The following TMEM178B variants were observed in gnomAD, a reference collection of about 807,000 sequenced individuals.
TMEM178B encodes transmembrane protein 178B.
A neutral mutation model predicts 31.0 loss-of-function variants in TMEM178B; 5 were observed. The ratio of observed to expected loss-of-function variants is 0.16; its 90% confidence interval spans 0.08 to 0.34. The LOEUF is 0.34. Among genes scored for constraint, TMEM178B ranks in the 10% least tolerant of loss-of-function variants. The pLI is 1.00. For synonymous variants in TMEM178B, 164 were observed against 164.0 expected (o/e 1.00, Z 0.00); for missense variants, 275 against 400.3 (o/e 0.69, Z 2.67).
chr7:141,235,976 A>G, intron 2 of TMEM178B, among the ~76,000 whole-genome samples: 1 of 152,178 alleles, frequency 6.6e-6, no homozygotes, highest in East Asian at 1.9e-4. Flanking sequence ...TCCACTGTTT[A>G]GTTTTCTGAT....
chr7:141,374,719 A>T (rs912342672), intron 2 of TMEM178B, among the ~76,000 whole-genome samples: 1 of 152,100 alleles, frequency 6.6e-6, no homozygotes, highest in African/African-American at 2.4e-5. Flanking sequence ...TTGTCACTTG[A>T]TTTTACTCCG....
At chr7:141,242,073 A>G (rs1338688621) in intron 2 of TMEM178B, among the ~76,000 whole-genome samples, 1 of 152,238 alleles carries the variant, frequency 6.6e-6, no homozygotes, top group Non-Finnish European at 1.5e-5. Context: ...CATATTTAAA[A>G]GCTTTTTAAT....
intron 1 of TMEM178B, among the ~76,000 whole-genome samples, chr7:141,174,046 T>C (rs1439777043): frequency 6.6e-6 from 1 of 152,148 alleles, no homozygotes; most frequent in Non-Finnish European, 1.5e-5. Flanking sequence ...GGCATGGTGA[T>C]TTGCTGCACC....
At chr7:141,437,543 G>A (rs1199923414) in intron 2 of TMEM178B, 65 bp from the exon 3 acceptor site, 1 of 1,521,776 alleles carries the variant, frequency 6.6e-7, no homozygotes, top group African/African-American at 1.4e-5. Context: ...CCCCAGGGCT[G>A]GGGTATACCC....
chr7:141,288,275 G>T (rs886920566), intron 2 of TMEM178B, among the ~76,000 whole-genome samples: 1 of 151,844 alleles, frequency 6.6e-6, no homozygotes, highest in Non-Finnish European at 1.5e-5. Flanking sequence ...TGCTTGAAGG[G>T]CTTACCCTGT....
intron 1 of TMEM178B, among the ~76,000 whole-genome samples, chr7:141,115,714 T>C (rs1490842053): frequency 6.6e-6 from 1 of 152,166 alleles, no homozygotes; most frequent in African/African-American, 2.4e-5. Context: ...CAAGGATCCC[T>C]GGGGAGGGCA....
intron 1 of TMEM178B, among the ~76,000 whole-genome samples, chr7:141,095,339 T>C (rs1794939847): frequency 6.6e-6 from 1 of 152,208 alleles, no homozygotes; most frequent in Non-Finnish European, 1.5e-5. Context: ...CACCTGTAAT[T>C]TGCCTTTAAC....
chr7:141,250,343 A>T (rs1797809787), intron 2 of TMEM178B, among the ~76,000 whole-genome samples: 1 of 152,206 alleles, frequency 6.6e-6, no homozygotes. Context: ...AGAAAATTGA[A>T]GTGCAGAGAG....
intron 2 of TMEM178B, among the ~76,000 whole-genome samples, chr7:141,286,642 C>T (rs1351089269): frequency 6.6e-6 from 1 of 152,164 alleles, no homozygotes; most frequent in African/African-American, 2.4e-5. Context: ...CCACTGGTCT[C>T]CACAGACAAG....
intron 1 of TMEM178B, among the ~76,000 whole-genome samples, chr7:141,083,568 G>C (rs62486610): frequency 3.9e-5 from 6 of 151,980 alleles, no homozygotes; most frequent in Non-Finnish European, 8.8e-5. Context: ...GATCATCCTG[G>C]GTTCTAGTTT....
intron 2 of TMEM178B, among the ~76,000 whole-genome samples, chr7:141,309,286 T>C (rs1367644819): frequency 6.6e-6 from 1 of 152,158 alleles, no homozygotes; most frequent in Non-Finnish European, 1.5e-5. Context: ...TCAAATTGCT[T>C]TATATATTGT....
chr7:141,295,600 G>T (rs1563143879), intron 2 of TMEM178B, among the ~76,000 whole-genome samples: 1 of 152,234 alleles, frequency 6.6e-6, no homozygotes, highest in African/African-American at 2.4e-5. Context: ...GCAGCTACCT[G>T]TTGAGCTGTG....
At chr7:141,111,107 A>G (rs1015854016) in intron 1 of TMEM178B, among the ~76,000 whole-genome samples, 1 of 152,182 alleles carries the variant, frequency 6.6e-6, no homozygotes, top group Admixed American at 6.5e-5. Context: ...CCAGTAATTT[A>G]TAAAGAAAAA....
intron 2 of TMEM178B, among the ~76,000 whole-genome samples, chr7:141,281,394 G>C (rs1798356918): frequency 6.6e-6 from 1 of 152,038 alleles, no homozygotes; most frequent in African/African-American, 2.4e-5. Context: ...CTTTTCTGGG[G>C]TTTAAAAATA....
chr7:141,305,635 A>G (rs1340840034), intron 2 of TMEM178B, among the ~76,000 whole-genome samples: 2 of 151,930 alleles, frequency 1.3e-5, no homozygotes, highest in Non-Finnish European at 2.9e-5. Flanking sequence ...GGGTTTCACC[A>G]TGTTGGCCAG....
intron 2 of TMEM178B, among the ~76,000 whole-genome samples, chr7:141,392,499 C>T (rs1271261256): frequency 6.6e-6 from 1 of 152,184 alleles, no homozygotes; most frequent in African/African-American, 2.4e-5. Context: ...TTGCAGGCTT[C>T]AGGACCCTTC....
rs139363240 is a variant in TMEM178B at position 141,280,174 on chromosome 7, G to T, written c.496+67470G>T. On this transcript the variant is annotated intron_variant, in intron 2 of 3. Transcript: ENST00000565468. ...ACTCCATTCATATGGTGGACTCCCT[G>T]CTGGCTTAGACCAGTAATTAAAGCA... Among the ~76,000 whole-genome samples, 3 of 152,318 alleles carry T rather than the reference G, an allele frequency of 2.0e-5. No homozygotes were observed. The East Asian group carries it at 5.8e-4, about 29-fold the overall frequency.
At chr7:141,314,721 C>T (rs1451543623) in intron 2 of TMEM178B, among the ~76,000 whole-genome samples, 1 of 152,182 alleles carries the variant, frequency 6.6e-6, no homozygotes, top group African/African-American at 2.4e-5. Context: ...TATGACTGCT[C>T]CTTCTCTGTC....
chr7:141,340,193 G>A (rs1278477154), intron 2 of TMEM178B, among the ~76,000 whole-genome samples: 1 of 152,158 alleles, frequency 6.6e-6, no homozygotes. Context: ...AACTGGAAAA[G>A]GCAAGGAAAC....
Sources: gnomAD v4.1 joint callset for allele counts (sites outside exome capture counted in the v4.1 genomes callset) on GRCh38, gnomAD v4.1.1 for gene constraint, MANE v1.5 for transcripts, NCBI Gene and HGNC (gene_info 2026-07-23, HGNC 2026-07-21) for gene names.